SAXO2: variants seen among roughly 807,000 people sequenced by gnomAD.
SAXO2 encodes the protein stabilizer of axonemal microtubules 2, also known as family with sequence similarity 154, member B.
A neutral mutation model predicts 18.7 loss-of-function variants in SAXO2; 17 were observed. That is an observed-to-expected ratio of 0.91 (90% CI 0.62 to 1.36). The LOEUF is 1.36. SAXO2 is among the 40% of genes most tolerant of loss of function. The pLI, the probability that SAXO2 is intolerant of heterozygous loss-of-function variation, is 0.00. For missense variants in SAXO2, 486 were observed against 562.6 expected (o/e 0.86, Z 1.38); for synonymous variants, 163 against 181.2 (o/e 0.90, Z 0.81).
chr15:82,277,598 C>T (rs1037045561), intron 3 of SAXO2, among the ~76,000 whole-genome samples: 33 of 152,022 alleles, frequency 2.2e-4, no homozygotes, highest in African/African-American at 7.7e-4. Context: ...GCCAACATAA[C>T]AATAAGAAAA....
Position 82,271,785 on chromosome 15 carries a change from C to T in SAXO2, c.416C>T (p.Thr139Ile). Residue 139 changes from threonine to isoleucine, a missense_variant, in exon 3 of 4, where the codon ACT becomes ATT. Transcript: ENST00000682753. The part of the protein sequence containing the change: ...ERQVKKGKLD[T>I]VPTYKDDYRA... Reference sequence around the variant, plus strand: ...CAAGTTAAAAAAGGAAAATTGGACACTGTCCCAACCTATAAAGGTAACTTG... The same window carrying T: ...CAAGTTAAAAAAGGAAAATTGGACATTGTCCCAACCTATAAAGGTAACTTG... The T allele has an allele frequency of 1.2e-6, 2 of 1,613,402 alleles. No homozygotes were observed. The highest frequency in any genetic ancestry group is 1.1e-5 in the South Asian group (1 of 90,844).
rs1288245169 is a variant in SAXO2 at position 82,284,499 on chromosome 15, G to A, written c.*1437G>A. ...TAGGTAATTTTGCACCTAATTGCCA[G>A]GCCAAGTCACTGTTTAGAGGAAGAA... On this transcript the variant is annotated 3_prime_UTR_variant, in exon 4 of 4. Transcript: ENST00000682753. 6.6e-6 allele frequency: 1 copy of A among 151,974 alleles called. No individual in the cohort carries two copies. Among genetic ancestry groups the A allele is most frequent in the Non-Finnish European group, 1.5e-5 (1 of 67,994 alleles). 9.4% of individuals were successfully genotyped at this position (151,974 alleles called of 1,614,324 possible).
At position 82,282,761 on chromosome 15, in the gene SAXO2, T is replaced by C. The variant is rs1280576609; in HGVS notation, c.1076T>C (p.Leu359Pro). 1.9e-6 allele frequency: 3 copies of C among 1,614,084 alleles called. No individual in the cohort carries two copies. The highest frequency in any genetic ancestry group is 2.5e-6 in the Non-Finnish European group (3 of 1,180,034). ...GCATGGGAAAGTTGTCGTCAAGGACTTATTAAGAAGCAGCAGCAGATTCCC... is the reference window on the plus strand; with the variant it reads ...GCATGGGAAAGTTGTCGTCAAGGACCTATTAAGAAGCAGCAGCAGATTCCC... ...FPAWESCRQGLIKKQQQIPNP... is the reference protein window; with the variant it reads ...FPAWESCRQGPIKKQQQIPNP... Residue 359 changes from leucine (L) to proline (P), a missense_variant, in exon 4 of 4, where the codon CTT becomes CCT. Coordinates refer to ENST00000682753, the MANE Select transcript of SAXO2 (RefSeq NM_001348699.2).
At chr15:82,264,648 A>G in intron 1 of SAXO2, 1 of 702,284 alleles carries the variant, frequency 1.4e-6, no homozygotes, top group Non-Finnish European at 2.6e-6. Context: ...TTTCAAAATA[A>G]GCTTCCACAA....
chr15:82,278,654 A>C (rs1243166533), intron 3 of SAXO2, among the ~76,000 whole-genome samples: 1 of 152,212 alleles, frequency 6.6e-6, no homozygotes, highest in African/African-American at 2.4e-5. Context: ...CTATATTCAG[A>C]GTCATAAAAA....
intron 3 of SAXO2, among the ~76,000 whole-genome samples, chr15:82,278,119 T>C (rs1267088521): frequency 5.9e-5 from 9 of 151,952 alleles, no homozygotes; most frequent in Admixed American, 3.3e-4. Flanking sequence ...CCCCAAGGAA[T>C]AGGTGAAGAT....
intron 1 of SAXO2, 198 bp downstream of exon 1, chr15:82,263,130 T>C (rs1402970529): frequency 1.4e-6 from 2 of 1,471,036 alleles, no homozygotes; most frequent in Non-Finnish European, 8.9e-7. Flanking sequence ...GTAAAACGTT[T>C]GTTCGTAGCC....
In SAXO2 at chr15:82,271,638, C is replaced by T; in HGVS notation, c.269C>T (p.Pro90Leu). 1.2e-6 allele frequency: 2 copies of T among 1,613,674 alleles called. No individual in the cohort carries two copies. The highest frequency in any genetic ancestry group is 1.7e-6 in the Non-Finnish European group (2 of 1,179,764). Residue 90 changes from proline (P) to leucine (L), a missense_variant, in exon 3 of 4, where the codon CCT (proline) becomes CTT (leucine). Coordinates refer to ENST00000682753, the MANE Select transcript of SAXO2 (RefSeq NM_001348699.2). Reference sequence around the variant, plus strand: ...TGTCCTTATGAAATAGTTAAACAGCCTCGCCATGTGCCAGAAGAATATAAA... The same window carrying T: ...TGTCCTTATGAAATAGTTAAACAGCTTCGCCATGTGCCAGAAGAATATAAA... Reference protein sequence around the residue: ...DYCPYEIVKQPRHVPEEYKPK... With the variant: ...DYCPYEIVKQLRHVPEEYKPK...
At position 82,264,729 on chromosome 15, in the gene SAXO2, C is replaced by T. The variant is rs999398503; in HGVS notation, c.54-840C>T. 19 of 702,368 alleles carry T rather than the reference C, an allele frequency of 2.7e-5. No individual in the cohort carries two copies. In the African/African-American group the frequency reaches 2.8e-4, roughly 10 times the overall value. 43.5% of individuals were successfully genotyped at this position (702,368 alleles called of 1,614,324 possible). A position where few individuals can be genotyped will look rare whatever the true frequency, so the allele number is the denominator to read the frequency against. On this transcript the variant is annotated intron_variant, in intron 1 of 3. Transcript: ENST00000682753. ...CCATAATCAGAAAATTGCAACAGAG[C>T]TGTAGACTCCAGAATCACTCGTCTC...
Position 82,282,418 on chromosome 15 carries a change from C to T in SAXO2, c.733C>T (p.Arg245Trp), listed in dbSNP as rs2075370909. ...ACGCTTTGAGGATCTCACAACTCAC[C>T]GGTGTGACTTTCAGGGTCTCATTGG... ...DQRFEDLTTH[R>W]CDFQGLIGET... Residue 245 changes from arginine to tryptophan, a missense_variant, in exon 4 of 4, where the codon CGG becomes TGG. Coordinates refer to ENST00000682753, the MANE Select transcript of SAXO2 (RefSeq NM_001348699.2). 3.7e-6 allele frequency: 6 copies of T among 1,614,026 alleles called. No individual in the cohort carries two copies. The highest frequency in any genetic ancestry group is 1.1e-5 in the South Asian group (1 of 91,080).
chr15:82,284,554 G>T lies in SAXO2; in HGVS notation c.*1492G>T, dbSNP rs2075394542. On this transcript the variant is annotated 3_prime_UTR_variant, in exon 4 of 4. Coordinates refer to ENST00000682753, the MANE Select transcript of SAXO2 (RefSeq NM_001348699.2). ...CCCCAGCAGGGGGCATAATCACCTG[G>T]TTCACCTCTTCCGGTGTGAAGATAA... 6.6e-6 allele frequency: 1 copy of T among 151,946 alleles called. No individual in the cohort carries two copies. The highest frequency in any genetic ancestry group is 1.5e-5 in the Non-Finnish European group (1 of 68,002). The allele number at this position is 151,946 out of a possible 1,614,324, so 9.4% of individuals were successfully genotyped here.
rs564518747 is a variant in SAXO2, at chr15:82,273,293, A to G, written c.433+1491A>G. 1.3e-3 allele frequency among the ~76,000 whole-genome samples: 205 copies of G among 152,310 alleles called. 1 individual carries two copies. The highest frequency in any genetic ancestry group is 4.8e-3 in the African/African-American group (198 of 41,568). On this transcript the variant is annotated intron_variant, in intron 3 of 3. Transcript: ENST00000682753. Reference sequence around the variant, plus strand: ...ATCTTTTTATTAATAATGTAATTACATATATAGGATTACATTTTTCCATTG... The same window carrying G: ...ATCTTTTTATTAATAATGTAATTACGTATATAGGATTACATTTTTCCATTG...
At chr15:82,265,225 C>G (rs2075204287) in intron 1 of SAXO2, among the ~76,000 whole-genome samples, 1 of 152,188 alleles carries the variant, frequency 6.6e-6, no homozygotes, top group African/African-American at 2.4e-5. Context: ...ACTGCAAGCT[C>G]CGCCTCCCAG....
intron 1 of SAXO2, among the ~76,000 whole-genome samples, chr15:82,265,202 A>G (rs1966026): frequency 6.6e-6 from 1 of 152,184 alleles, no homozygotes; most frequent in South Asian, 2.1e-4. Flanking sequence ...GTGCAGTGGC[A>G]GGATCTTGGC....
chr15:82,263,164 C>A, intron 1 of SAXO2: 3 of 1,453,112 alleles, frequency 2.1e-6, no homozygotes, highest in South Asian at 1.4e-5. Flanking sequence ...ATCAAGGATG[C>A]AAAGTAAAAT....
intron 3 of SAXO2, chr15:82,272,215 A>G (rs1291324275): frequency 5.7e-6 from 1 of 176,666 alleles, no homozygotes; most frequent in African/African-American, 2.4e-5. Context: ...GCTTTTCTCC[A>G]TTCAAGTCCT....
intron 3 of SAXO2, among the ~76,000 whole-genome samples, chr15:82,272,945 G>C (rs965978733): frequency 5.4e-5 from 8 of 148,674 alleles, no homozygotes; most frequent in African/African-American, 2.0e-4. Flanking sequence ...CCACTCTGTT[G>C]CCCAGGCTGG....
rs1286095161 is a variant in SAXO2, at chr15:82,282,881, T to C, written c.1196T>C (p.Ile399Thr). 1 of 1,613,914 alleles carries C rather than the reference T, an allele frequency of 6.2e-7. No individual in the cohort carries two copies. The change falls in exon 4 of 4, where the codon ATT becomes ACT. Residue 399 changes from isoleucine (I) to threonine (T), a missense_variant. Coordinates refer to ENST00000682753, the MANE Select transcript of SAXO2 (RefSeq NM_001348699.2). ...IPTESCKPLNIAFKSSVPFDD... is the reference protein window; with the variant it reads ...IPTESCKPLNTAFKSSVPFDD... The stretch of plus-strand genomic sequence containing the variant: ...ACAGAGAGTTGCAAACCTTTAAATA[T>C]TGCTTTTAAGAGTTCTGTTCCATTT...
In SAXO2 at chr15:82,284,067, T is replaced by C. The variant is rs146479426; in HGVS notation, c.*1005T>C. On this transcript the variant is annotated 3_prime_UTR_variant, in exon 4 of 4. Coordinates refer to ENST00000682753, the MANE Select transcript of SAXO2 (RefSeq NM_001348699.2). ...GTGTCTTTATTTGTAAAATGATGTC[T>C]GTTCTCAAAAAGAGTTTGTTTTGAG... 48 of 152,364 alleles carry C rather than the reference T, an allele frequency of 3.2e-4. 1 individual carries two copies. The East Asian group carries it at 8.7e-3, about 28-fold the overall frequency. 9.4% of individuals were successfully genotyped at this position (152,364 alleles called of 1,614,324 possible).
Sources: gnomAD v4.1 joint callset for allele counts (sites outside exome capture counted in the v4.1 genomes callset) on GRCh38, gnomAD v4.1.1 for gene constraint, MANE v1.5 for transcripts, NCBI Gene and HGNC (gene_info 2026-07-23, HGNC 2026-07-21) for gene names.